TACC2: variants seen among roughly 807,000 people sequenced by gnomAD.
TACC2 encodes the protein transforming acidic coiled-coil-containing protein 2.
In TACC2, 137 loss-of-function variants were observed where a neutral mutation model predicts 227.3. The observed-to-expected ratio is 0.60, with a 90% confidence interval of 0.52 to 0.69. TACC2 has a LOEUF of 0.69. TACC2 is among the 30% of genes least tolerant of loss of function. The pLI, the probability that TACC2 is intolerant of heterozygous loss-of-function variation, is 0.00. For missense variants in TACC2, 3,470 were observed against 3,694.4 expected (o/e 0.94, Z 1.57); for synonymous variants, 1,523 against 1,487.5 (o/e 1.02, Z -0.55).
At chr10:122,235,966 G>A (rs527681497) in intron 16 of TACC2, among the ~76,000 whole-genome samples, 2 of 152,202 alleles carry the variant, frequency 1.3e-5, no homozygotes, top group African/African-American at 4.8e-5. Context: ...AGAAACCCAG[G>A]CAACAGACGT....
intron 7 of TACC2, among the ~76,000 whole-genome samples, chr10:122,144,611 A>G (rs756786342): frequency 1.3e-5 from 2 of 152,224 alleles, no homozygotes; most frequent in African/African-American, 2.4e-5. Flanking sequence ...AGCGTAGACA[A>G]CCAGCTGCCA....
In TACC2 at chr10:122,223,678, A is replaced by G. The variant is rs78563138; in HGVS notation, c.7547-1048A>G. On this transcript the variant is annotated intron_variant, in intron 11 of 22. Coordinates refer to ENST00000369005, the MANE Select transcript of TACC2 (RefSeq NM_206862.4). Reference sequence around the variant, plus strand: ...GGAAATAGCTCATTTTAAAGCTGATATTTTTTTGACGATGCCTTTAGCAAT... The same window carrying G: ...GGAAATAGCTCATTTTAAAGCTGATGTTTTTTTGACGATGCCTTTAGCAAT... Among the ~76,000 whole-genome samples the G allele has an allele frequency of 8.1e-3, 1,231 of 152,290 alleles. 44 individuals are homozygous for G. Among genetic ancestry groups the G allele is most frequent in the Admixed American group, 0.061 (936 of 15,302 alleles).
intron 2 of TACC2, among the ~76,000 whole-genome samples, chr10:122,047,146 G>A (rs1311603462): frequency 2.0e-5 from 3 of 151,562 alleles, no homozygotes; most frequent in Admixed American, 1.3e-4. Flanking sequence ...AAAATTAGCC[G>A]GGTGTGGTGG....
At chr10:122,124,837 T>A (rs1172096666) in intron 5 of TACC2, among the ~76,000 whole-genome samples, 2 of 152,232 alleles carry the variant, frequency 1.3e-5, no homozygotes, top group Non-Finnish European at 2.9e-5. Context: ...ATCCTCTCTC[T>A]ATATGAGTAA....
At chr10:122,157,232 G>A (rs111468262) in intron 7 of TACC2, among the ~76,000 whole-genome samples, 1,685 of 152,288 alleles carry the variant, frequency 0.011, 35 homozygotes, top group African/African-American at 0.037. Context: ...GTTCTCTTAT[G>A]TAACCTTGTT....
intron 5 of TACC2, among the ~76,000 whole-genome samples, chr10:122,118,986 TAAAC>T: frequency 6.6e-6 from 1 of 152,300 alleles, no homozygotes; most frequent in East Asian, 1.9e-4. Flanking sequence ...AAATTGTGAT[TAAAC>T]AAACCACATA....
chr10:122,079,404 G>A (rs1351142637), intron 3 of TACC2, among the ~76,000 whole-genome samples: 2 of 152,166 alleles, frequency 1.3e-5, no homozygotes, highest in African/African-American at 4.8e-5. Context: ...GTGAATCGGA[G>A]GGTTTTATAT....
chr10:122,192,711 A>G (rs1246080968), intron 7 of TACC2: 1 of 456,612 alleles, frequency 2.2e-6, no homozygotes, highest in Non-Finnish European at 4.4e-6. Flanking sequence ...GGTGGTCCCC[A>G]GTGGAATGGG....
intron 5 of TACC2, among the ~76,000 whole-genome samples, chr10:122,098,500 C>G (rs2081743393): frequency 1.3e-5 from 2 of 152,154 alleles, no homozygotes; most frequent in South Asian, 2.1e-4. Flanking sequence ...ACTCACGGCT[C>G]TGCTATTAGA....
chr10:122,213,238 G>T (rs1235263624), intron 9 of TACC2: 2 of 1,211,702 alleles, frequency 1.7e-6, no homozygotes, highest in African/African-American at 3.0e-5. Flanking sequence ...CCCTACAGCG[G>T]TGGCCGCCAT....
At chr10:122,036,947 C>T (rs1960601977) in intron 2 of TACC2, among the ~76,000 whole-genome samples, 1 of 152,058 alleles carries the variant, frequency 6.6e-6, no homozygotes, top group Admixed American at 6.6e-5. Flanking sequence ...ATACTTGTTA[C>T]TTTGTTTTTT....
intron 7 of TACC2, among the ~76,000 whole-genome samples, chr10:122,189,881 G>A (rs1048446199): frequency 2.0e-5 from 3 of 152,176 alleles, no homozygotes; most frequent in Non-Finnish European, 4.4e-5. Context: ...TACCTTGGGC[G>A]AGCCACTTTA....
intron 7 of TACC2, among the ~76,000 whole-genome samples, chr10:122,176,694 C>T (rs2093736333): frequency 6.6e-6 from 1 of 152,170 alleles, no homozygotes; most frequent in Non-Finnish European, 1.5e-5. Context: ...TTAGTCACAG[C>T]AAGTCAGCAA....
intron 7 of TACC2, among the ~76,000 whole-genome samples, chr10:122,165,244 A>G (rs890280367): frequency 1.3e-5 from 2 of 152,180 alleles, no homozygotes; most frequent in Admixed American, 6.5e-5. Context: ...GTGCATGGAA[A>G]TACAACTCGA....
At chr10:122,213,361 T>G (rs750900794) in intron 9 of TACC2, 13 of 1,612,208 alleles carry the variant, frequency 8.1e-6, no homozygotes, top group Non-Finnish European at 1.1e-5. Flanking sequence ...AGATGTGATG[T>G]CTGTGTGTTC....
At chr10:122,235,618 C>T (rs1589825556) in intron 16 of TACC2, among the ~76,000 whole-genome samples, 1 of 152,242 alleles carries the variant, frequency 6.6e-6, no homozygotes, top group South Asian at 2.1e-4. Context: ...TGTCATTTTT[C>T]AGCTACTTCC....
intron 19 of TACC2, among the ~76,000 whole-genome samples, chr10:122,242,333 C>T (rs894659123): frequency 4.6e-5 from 7 of 152,086 alleles, no homozygotes; most frequent in Non-Finnish European, 8.8e-5. Flanking sequence ...TTTTTCTTTT[C>T]GCTTGTGGGA....
chr10:122,233,745 C>T (rs536030682), intron 16 of TACC2, among the ~76,000 whole-genome samples: 46 of 152,056 alleles, frequency 3.0e-4, no homozygotes, highest in South Asian at 1.2e-3. Context: ...TGTATTTGGC[C>T]GTTTGGAGCC....
In TACC2 at chr10:122,254,255, C is replaced by T. The variant is rs966946959; in HGVS notation, c.*199C>T. On this transcript the variant is annotated 3_prime_UTR_variant, in exon 23 of 23. Coordinates refer to ENST00000369005, the MANE Select transcript of TACC2 (RefSeq NM_206862.4). ...TTTCTTGCTATTGGTTTGCATTTTC[C>T]TAGTATAATTCATAGCAAGTTGACC... 5 of 647,114 alleles carry T rather than the reference C, an allele frequency of 7.7e-6. No homozygotes were observed. In the East Asian group the frequency reaches 8.8e-5, roughly 11 times the overall value. The allele number at this position is 647,114 out of a possible 1,614,324, so 40.1% of individuals were successfully genotyped here. A position where few individuals can be genotyped will look rare whatever the true frequency, so the allele number is the denominator to read the frequency against.
Sources: allele counts gnomAD v4.1 joint callset (sites outside exome capture counted in the v4.1 genomes callset), GRCh38; gene constraint gnomAD v4.1.1; transcripts MANE v1.5; gene names NCBI Gene and HGNC (gene_info 2026-07-23, HGNC 2026-07-21).